Variants in GRIK3 observed in about 807,000 individuals in gnomAD.
The protein encoded by GRIK3 is glutamate ionotropic receptor kainate type subunit 3, also known as glutamate receptor ionotropic, kainate 3.
Under a neutral mutation model 102.5 loss-of-function variants are expected in GRIK3, and 29 were observed. That is an observed-to-expected ratio of 0.28 (90% CI 0.21 to 0.39). The LOEUF (loss-of-function observed/expected upper bound fraction) is 0.39. Among genes scored for constraint, GRIK3 ranks in the 10% least tolerant of loss-of-function variants. The probability of loss-of-function intolerance (pLI) is 1.00; values close to 1 mark genes in which losing one functional copy is unlikely to be tolerated. For missense variants in GRIK3, 908 were observed against 1,252.4 expected (o/e 0.73, Z 4.15); for synonymous variants, 511 against 504.9 (o/e 1.01, Z -0.16).
At chr1:36,913,947 C>G (rs1338340692) in intron 1 of GRIK3, among the ~76,000 whole-genome samples, 1 of 152,228 alleles carries the variant, frequency 6.6e-6, no homozygotes, top group Non-Finnish European at 1.5e-5. Context: ...ATATTCTGAC[C>G]TCCTCTGGGG....
chr1:36,995,029 C>A (rs879913798), intron 1 of GRIK3, among the ~76,000 whole-genome samples: 9 of 152,218 alleles, frequency 5.9e-5, no homozygotes, highest in Non-Finnish European at 1.3e-4. Flanking sequence ...CTTTGCAGAG[C>A]GGCAGGCCTG....
chr1:36,973,416 C>CTTT (rs35394730), intron 1 of GRIK3, among the ~76,000 whole-genome samples: 15 of 114,944 alleles, frequency 1.3e-4, no homozygotes, highest in South Asian at 2.8e-4. Context: ...CTTCTTTTTC[C>CTTT]TTTTTTTTTT....
At chr1:36,910,229 C>T (rs1248918533) in intron 1 of GRIK3, among the ~76,000 whole-genome samples, 1 of 152,218 alleles carries the variant, frequency 6.6e-6, no homozygotes, top group Non-Finnish European at 1.5e-5. Flanking sequence ...GCTCCCAGCA[C>T]CAGGCCCAGG....
rs773455615 is a variant in GRIK3, at chr1:36,880,762, G to A, written c.422C>T (p.Pro141Leu). 9 of 1,614,170 alleles carry A rather than the reference G, an allele frequency of 5.6e-6. No individual in the cohort carries two copies. The highest frequency in any genetic ancestry group is 1.1e-5 in the South Asian group (1 of 91,088). ...GTAGAAGGTGTCCTTGTTGTCCAGC[G>A]GGTGGTGCTTCCAACGCAGCTGGAT... is the stretch of plus-strand genomic sequence containing the variant. ...PHIQLRWKHH[P>L]LDNKDTFYVN... The change falls in exon 3 of 16, where the codon CCG becomes CTG. Residue 141 changes from proline to leucine, a missense_variant. By Grantham distance (98) the Pro-to-Leu change is moderately conservative. This residue lies in a region of GRIK3 where 585 missense variants were observed against 824.9 expected (regional missense o/e 0.71). Transcript: ENST00000373091. This position sits in a 1 kb window ranked among gnomAD's most constrained non-coding sequence, Gnocchi z 5.4.
chr1:36,953,575 G>T (rs1641869739), intron 1 of GRIK3, among the ~76,000 whole-genome samples: 1 of 152,068 alleles, frequency 6.6e-6, no homozygotes, highest in Non-Finnish European at 1.5e-5. Flanking sequence ...CAGGCTGCTG[G>T]CAGACAGAAG....
At chr1:36,923,237 G>C (rs1641493035) in intron 1 of GRIK3, among the ~76,000 whole-genome samples, 1 of 152,208 alleles carries the variant, frequency 6.6e-6, no homozygotes, top group Non-Finnish European at 1.5e-5. Flanking sequence ...GGAATTAATG[G>C]AATATGGCTG....
intron 1 of GRIK3, among the ~76,000 whole-genome samples, chr1:37,028,676 A>C (rs1642789502): frequency 6.6e-6 from 1 of 152,152 alleles, no homozygotes; most frequent in Non-Finnish European, 1.5e-5. Context: ...CAGCCCCTTA[A>C]AAACTGTTTC....
At chr1:36,953,911 G>A (rs774938747) in intron 1 of GRIK3, among the ~76,000 whole-genome samples, 3 of 152,126 alleles carry the variant, frequency 2.0e-5, no homozygotes, top group Middle Eastern at 3.2e-3. Flanking sequence ...GGAAGCTGCC[G>A]GGAAAGGACA....
rs567267264 is a variant in GRIK3 at position 36,886,660 on chromosome 1, A to T, written c.292+4260T>A. 2.0e-5 allele frequency among the ~76,000 whole-genome samples: 3 copies of T among 152,298 alleles called. No individual in the cohort carries two copies. The East Asian group carries it at 5.8e-4, about 29-fold the overall frequency. On this transcript the variant is annotated intron_variant, in intron 2 of 15. Coordinates refer to ENST00000373091, the MANE Select transcript of GRIK3 (RefSeq NM_000831.4). Reference sequence around the variant, plus strand: ...GATGGCACTTAATTTTTTTATTGAGATATAAAATATAGTAAAGTGCATTAA... The same window carrying T: ...GATGGCACTTAATTTTTTTATTGAGTTATAAAATATAGTAAAGTGCATTAA...
At chr1:36,888,503 C>T (rs1397071566) in intron 2 of GRIK3, among the ~76,000 whole-genome samples, 1 of 152,124 alleles carries the variant, frequency 6.6e-6, no homozygotes, top group Non-Finnish European at 1.5e-5. Context: ...TAAACTCATG[C>T]TCCTTGACCA....
chr1:36,979,822 C>T, intron 1 of GRIK3, among the ~76,000 whole-genome samples: 1 of 152,186 alleles, frequency 6.6e-6, no homozygotes, highest in East Asian at 1.9e-4. Flanking sequence ...GGAGAACAAG[C>T]CTGGCTCAAG....
intron 10 of GRIK3, among the ~76,000 whole-genome samples, chr1:36,839,639 G>A (rs1322693343): frequency 6.6e-6 from 1 of 152,178 alleles, no homozygotes; most frequent in East Asian, 1.9e-4. Context: ...TATGAAGTAG[G>A]TCCTATTAAT....
intron 1 of GRIK3, among the ~76,000 whole-genome samples, chr1:36,927,873 G>C (rs115748482): frequency 7.9e-5 from 12 of 152,074 alleles, no homozygotes; most frequent in Non-Finnish European, 1.5e-5. Flanking sequence ...CGGAGCCCCG[G>C]CTTGCCCTGT....
chr1:36,804,743 T>C, intron 15 of GRIK3: 1 of 558,666 alleles, frequency 1.8e-6, no homozygotes, highest in East Asian at 3.0e-5. Context: ...AGGGCCAGTT[T>C]GAAGGCTGCG....
chr1:36,924,774 A>C (rs1225664567), intron 1 of GRIK3, among the ~76,000 whole-genome samples: 2 of 152,160 alleles, frequency 1.3e-5, no homozygotes, highest in African/African-American at 4.8e-5. Context: ...CAGCAAAGCA[A>C]ATATTTAGCA....
At position 36,798,111 on chromosome 1, in the gene GRIK3, G is replaced by C. The variant is rs1352753211; in HGVS notation, c.*3740C>G. On this transcript the variant is annotated 3_prime_UTR_variant, in exon 16 of 16. Transcript: ENST00000373091. ...AGACTCTTGCAGCATGGGGCCACTTGAACATTGACAACGCTTTCAGGATTT... is the reference window on the plus strand; with the variant it reads ...AGACTCTTGCAGCATGGGGCCACTTCAACATTGACAACGCTTTCAGGATTT... 6 of 152,374 alleles carry C rather than the reference G, an allele frequency of 3.9e-5. No individual in the cohort carries two copies. Among genetic ancestry groups the C allele is most frequent in the Non-Finnish European group, 8.8e-5 (6 of 68,174 alleles). 9.4% of individuals were successfully genotyped at this position (152,374 alleles called of 1,614,324 possible). A position where few individuals can be genotyped will look rare whatever the true frequency, so the allele number is the denominator to read the frequency against.
At chr1:36,895,046 G>T (rs549108072) in intron 1 of GRIK3, among the ~76,000 whole-genome samples, 8 of 152,220 alleles carry the variant, frequency 5.3e-5, no homozygotes, top group African/African-American at 1.9e-4. Context: ...TGTGTGTTGC[G>T]GGGGAGGTGG....
chr1:36,883,697 C>A (rs1360304826), intron 2 of GRIK3, among the ~76,000 whole-genome samples: 2 of 152,134 alleles, frequency 1.3e-5, no homozygotes, highest in African/African-American at 4.8e-5. Flanking sequence ...AGAGGCCAAC[C>A]AGAGGAGGCA....
intron 1 of GRIK3, among the ~76,000 whole-genome samples, chr1:36,945,979 G>A (rs1409331593): frequency 6.6e-5 from 10 of 152,176 alleles, no homozygotes; most frequent in Admixed American, 2.0e-4. Context: ...GGCCCCCTCG[G>A]AAATCTCTGT....
Sources: allele counts gnomAD v4.1 joint callset (sites outside exome capture counted in the v4.1 genomes callset), GRCh38; gene constraint gnomAD v4.1.1; regional missense constraint gnomAD v4.1.1; non-coding constraint Gnocchi (gnomAD v3.1); transcripts MANE v1.5; gene names NCBI Gene and HGNC (gene_info 2026-07-23, HGNC 2026-07-21).